Variants in CACNG4 observed in about 807,000 individuals in gnomAD.
CACNG4 encodes voltage-dependent calcium channel gamma-4 subunit.
Under a neutral mutation model 22.9 loss-of-function variants are expected in CACNG4, and 8 were observed. That is an observed-to-expected ratio of 0.35 (90% CI 0.21 to 0.63). The LOEUF (loss-of-function observed/expected upper bound fraction) is 0.63, where lower values mean the gene tolerates loss of function less well. Among genes scored for constraint, CACNG4 ranks in the 30% least tolerant of loss-of-function variants. The pLI, the probability that CACNG4 is intolerant of heterozygous loss-of-function variation, is 0.72. For synonymous variants in CACNG4, 188 were observed against 191.9 expected (o/e 0.98, Z 0.17); for missense variants, 357 against 455.4 (o/e 0.78, Z 1.97).
intron 2 of CACNG4, among the ~76,000 whole-genome samples, chr17:67,022,682 C>A (rs1411882886): frequency 9.2e-5 from 14 of 152,270 alleles, no homozygotes; most frequent in African/African-American, 2.4e-5. Flanking sequence ...GTGGCGCCTG[C>A]CAGTGCGGCC....
chr17:67,002,506 C>A (rs931444654), intron 1 of CACNG4, among the ~76,000 whole-genome samples: 1 of 152,186 alleles, frequency 6.6e-6, no homozygotes, highest in Non-Finnish European at 1.5e-5. Context: ...TCCAGAAATG[C>A]ATGTGTGCTC....
intron 1 of CACNG4, among the ~76,000 whole-genome samples, chr17:67,001,268 C>A (rs955516499): frequency 1.3e-5 from 2 of 152,098 alleles, no homozygotes; most frequent in Non-Finnish European, 2.9e-5. Flanking sequence ...TTATAAATTA[C>A]CCAGTCTGGG....
rs777957813 is a variant in CACNG4 at position 67,030,552 on chromosome 17, C to T, written c.532C>T (p.His178Tyr). 1 of 1,614,200 alleles carries T rather than the reference C, an allele frequency of 6.2e-7. No homozygotes were observed. Among genetic ancestry groups the T allele is most frequent in the Non-Finnish European group, 8.5e-7 (1 of 1,180,032 alleles). The change falls in exon 4 of 4, where the codon CAT becomes TAT. Residue 178 changes from histidine (H) to tyrosine (Y), a missense_variant. Around this residue, in one of 3 missense-constraint regions of CACNG4, gnomAD observed 240 missense variants for 277.6 expected, o/e 0.86. Coordinates refer to ENST00000262138, the MANE Select transcript of CACNG4 (RefSeq NM_014405.4). The surrounding 1 kb of genome is among the most constrained non-coding windows in gnomAD (Gnocchi z 6.4). Reference protein sequence around the residue: ...SDKRDEDKKNHYNYGWSFYFG... With the variant: ...SDKRDEDKKNYYNYGWSFYFG... ...CAAGCGGGACGAAGACAAAAAGAAC[C>T]ATTACAACTACGGCTGGTCTTTTTA...
At chr17:67,009,405 C>T (rs1212509543) in intron 1 of CACNG4, among the ~76,000 whole-genome samples, 1 of 152,188 alleles carries the variant, frequency 6.6e-6, no homozygotes, top group Admixed American at 6.5e-5. Context: ...GCCAGTGTCT[C>T]CCCAAACCAA....
Position 67,030,990 on chromosome 17 carries a change from A to C in CACNG4, c.970A>C (p.Thr324Pro). ...GFHVSMLNRR[T>P]TPV ...CCACGTCAGCATGCTGAACCGACGG[A>C]CGACCCCTGTGTGAGCCGCCTGCCC... is the stretch of plus-strand genomic sequence containing the variant. The change falls in exon 4 of 4, where the codon ACG becomes CCG. Residue 324 changes from threonine (T) to proline (P), a missense_variant. This residue lies in a region of CACNG4 where 240 missense variants were observed against 277.6 expected (regional missense o/e 0.86). Coordinates refer to ENST00000262138, the MANE Select transcript of CACNG4 (RefSeq NM_014405.4). This position sits in a 1 kb window ranked among gnomAD's most constrained non-coding sequence, Gnocchi z 6.4. The C allele has an allele frequency of 1.2e-6, 2 of 1,611,728 alleles. No individual in the cohort carries two copies. Among genetic ancestry groups the C allele is most frequent in the Non-Finnish European group, 1.7e-6 (2 of 1,178,296 alleles).
chr17:66,991,435 C>T (rs1385887735), intron 1 of CACNG4, among the ~76,000 whole-genome samples: 1 of 152,238 alleles, frequency 6.6e-6, no homozygotes, highest in Non-Finnish European at 1.5e-5. Flanking sequence ...AGTGCCCCCT[C>T]TCCCCTCCTA....
rs529016714 is a variant in CACNG4, at chr17:66,991,076, T to A, written c.220+25945T>A. 5.9e-5 allele frequency among the ~76,000 whole-genome samples: 9 copies of A among 152,254 alleles called. No homozygotes were observed. In the East Asian group the frequency reaches 1.5e-3, roughly 26 times the overall value. The stretch of plus-strand genomic sequence containing the variant: ...CAAACCGTAAAGCGCTGGCAGTTGC[T>A]AGGAGCTCGGTGAATGGCGCTCCCT... On this transcript the variant is annotated intron_variant, in intron 1 of 3. Transcript: ENST00000262138.
At chr17:66,987,627 C>T (rs1268987235) in intron 1 of CACNG4, among the ~76,000 whole-genome samples, 1 of 152,074 alleles carries the variant, frequency 6.6e-6, no homozygotes, top group African/African-American at 2.4e-5. Flanking sequence ...GTGGTTTTAC[C>T]GGAGGAGGTT....
chr17:66,990,400 A>G (rs1428043972), intron 1 of CACNG4, among the ~76,000 whole-genome samples: 1 of 152,160 alleles, frequency 6.6e-6, no homozygotes, highest in Admixed American at 6.6e-5. Flanking sequence ...ATATTACGTA[A>G]TTGAATCATC....
intron 1 of CACNG4, among the ~76,000 whole-genome samples, chr17:66,972,159 A>C (rs141923635): frequency 6.6e-6 from 1 of 152,124 alleles, no homozygotes; most frequent in South Asian, 2.1e-4. Context: ...AAGAAGGAAC[A>C]GTTGTGGGAA....
At chr17:66,983,205 C>T (rs1225950240) in intron 1 of CACNG4, among the ~76,000 whole-genome samples, 2 of 152,196 alleles carry the variant, frequency 1.3e-5, no homozygotes, top group Non-Finnish European at 2.9e-5. Flanking sequence ...ATGGATGGCA[C>T]TCCCCTTGTG....
chr17:67,017,496 T>TTAG (rs998932075), intron 1 of CACNG4, among the ~76,000 whole-genome samples: 4 of 139,998 alleles, frequency 2.9e-5, no homozygotes, highest in Non-Finnish European at 6.2e-5. Context: ...AGTGGGCAAA[T>TTAG]TCGTTGTTGT....
chr17:66,965,190 A>ACACACACGCGCGCG, intron 1 of CACNG4, 59 bp downstream of exon 1: 1 of 1,010,434 alleles, frequency 9.9e-7, no homozygotes, highest in Non-Finnish European at 1.4e-6. Flanking sequence ...ACACACATAT[A>ACACACACGCGCGCG]CACACGCGCG....
chr17:67,021,488 C>A (rs1427133615), intron 2 of CACNG4: 2 of 152,286 alleles, frequency 1.3e-5, no homozygotes, highest in African/African-American at 4.8e-5. Flanking sequence ...CTTTCTGAAG[C>A]CTTCCACAGA....
intron 1 of CACNG4, among the ~76,000 whole-genome samples, chr17:66,986,583 A>G (rs1053387417): frequency 2.0e-5 from 3 of 152,220 alleles, no homozygotes; most frequent in African/African-American, 7.2e-5. Flanking sequence ...AGTGAGGCGG[A>G]TAAGTCCAGC....
intron 1 of CACNG4, among the ~76,000 whole-genome samples, chr17:66,966,051 G>C (rs1598097594): frequency 6.6e-6 from 1 of 152,340 alleles, no homozygotes; most frequent in East Asian, 1.9e-4. Context: ...ACTGGAGGCT[G>C]AGTAGTAGGT....
chr17:66,988,427 G>T (rs771554103), intron 1 of CACNG4, among the ~76,000 whole-genome samples: 1 of 152,224 alleles, frequency 6.6e-6, no homozygotes, highest in Admixed American at 6.5e-5. Flanking sequence ...AAGTGAGGAA[G>T]CAGAGTTTCT....
intron 1 of CACNG4, among the ~76,000 whole-genome samples, chr17:66,968,756 T>C: frequency 8.4e-6 from 1 of 118,544 alleles, no homozygotes; most frequent in African/African-American, 3.3e-5. Flanking sequence ...TCCCTCCTCC[T>C]CCCTTCCCTT....
chr17:67,029,998 T>C (rs2035592290), intron 3 of CACNG4, among the ~76,000 whole-genome samples: 2 of 152,198 alleles, frequency 1.3e-5, no homozygotes, highest in African/African-American at 4.8e-5. Context: ...CGTAAAGGCC[T>C]GGTTAGGTGG....
Sources: gnomAD v4.1 joint callset for allele counts (sites outside exome capture counted in the v4.1 genomes callset) on GRCh38, gnomAD v4.1.1 for gene constraint, gnomAD v4.1.1 regional missense constraint, Gnocchi (gnomAD v3.1) non-coding constraint, MANE v1.5 for transcripts, NCBI Gene and HGNC (gene_info 2026-07-23, HGNC 2026-07-21) for gene names.